GSG1L: variants seen among roughly 807,000 people sequenced by gnomAD.
GSG1L encodes GSG1 like.
A neutral mutation model predicts 42.1 loss-of-function variants in GSG1L; 24 were observed. The ratio of observed to expected loss-of-function variants is 0.57; its 90% CI spans 0.41 to 0.80. The LOEUF (loss-of-function observed/expected upper bound fraction) is 0.80, where lower values mean the gene tolerates loss of function less well. Ranked by LOEUF, GSG1L falls within the 30% of genes least tolerant of loss-of-function variation. The probability of loss-of-function intolerance (pLI) is 0.00; values close to 1 mark genes in which losing one functional copy is unlikely to be tolerated. For synonymous variants in GSG1L, 215 were observed against 203.5 expected, an observed-to-expected ratio of 1.06 and a Z score of -0.48; for missense variants, 445 against 472.2, an observed-to-expected ratio of 0.94 and a Z score of 0.53.
intron 2 of GSG1L, among the ~76,000 whole-genome samples, chr16:27,889,711 G>T (rs1008826818): frequency 2.5e-4 from 38 of 152,258 alleles, no homozygotes; most frequent in African/African-American, 9.1e-4. Context: ...GGTCAGACTG[G>T]CCTGACAGCA....
intron 1 of GSG1L, among the ~76,000 whole-genome samples, chr16:27,986,554 C>T (rs534903568): frequency 2.5e-4 from 37 of 150,710 alleles, no homozygotes; most frequent in African/African-American, 8.3e-4. Flanking sequence ...TACCTAGAGG[C>T]TATGGAAACA....
At chr16:28,045,070 A>G (rs185252173) in intron 1 of GSG1L, among the ~76,000 whole-genome samples, 1 of 152,326 alleles carries the variant, frequency 6.6e-6, no homozygotes, top group Admixed American at 6.5e-5. Flanking sequence ...GAAAGAAAGG[A>G]CAAAAAGGCA....
At chr16:28,011,145 C>T (rs1368144669) in intron 1 of GSG1L, among the ~76,000 whole-genome samples, 4 of 152,190 alleles carry the variant, frequency 2.6e-5, no homozygotes, top group East Asian at 1.9e-4. Context: ...GGAGAGTCTA[C>T]GAGTTTTAGA....
rs150650881 is a variant in GSG1L at position 27,798,307 on chromosome 16, C to T, written c.899-6840G>A. Among the ~76,000 whole-genome samples the T allele has an allele frequency of 3.3e-5, 5 of 152,180 alleles. No individual in the cohort carries two copies. The East Asian group carries it at 9.7e-4, about 29-fold the overall frequency. On this transcript the variant is annotated intron_variant, in intron 6 of 6. Transcript: ENST00000447459. ...CCTCTGCCAGGAGCTGGGGAGGGGG[C>T]TGGGGGCAGTTCCCAGACAGTTGAG... is the stretch of plus-strand genomic sequence containing the variant.
At chr16:27,849,227 A>AGC (rs1173942054) in intron 3 of GSG1L, among the ~76,000 whole-genome samples, 1 of 148,812 alleles carries the variant, frequency 6.7e-6, no homozygotes, top group Non-Finnish European at 1.5e-5. Flanking sequence ...AAAAAAAGAG[A>AGC]AAAGAAAGGG....
chr16:28,055,004 C>T (rs999218154), intron 1 of GSG1L, among the ~76,000 whole-genome samples: 99 of 152,142 alleles, frequency 6.5e-4, no homozygotes, highest in African/African-American at 2.3e-3. Context: ...TCCTTCCTCA[C>T]GTCACTCTCG....
chr16:27,861,413 T>G (rs2083650102), intron 3 of GSG1L, among the ~76,000 whole-genome samples: 1 of 151,972 alleles, frequency 6.6e-6, no homozygotes, highest in Non-Finnish European at 1.5e-5. Flanking sequence ...AAAGGGCCAG[T>G]GGGAGTGTCA....
chr16:28,031,351 G>C (rs987689856), intron 1 of GSG1L, among the ~76,000 whole-genome samples: 2 of 142,160 alleles, frequency 1.4e-5, no homozygotes, highest in Non-Finnish European at 3.0e-5. Flanking sequence ...GGGATTGGAT[G>C]AGATGGGATG....
At chr16:27,856,608 G>A (rs561176611) in intron 3 of GSG1L, among the ~76,000 whole-genome samples, 2 of 152,318 alleles carry the variant, frequency 1.3e-5, no homozygotes, top group African/African-American at 4.8e-5. Context: ...CATCGCTCCC[G>A]GCTCCTCACG....
intron 1 of GSG1L, among the ~76,000 whole-genome samples, chr16:28,056,932 G>T (rs1033286719): frequency 2.6e-5 from 4 of 152,132 alleles, no homozygotes; most frequent in African/African-American, 9.7e-5. Context: ...GTCCAGGAAG[G>T]CCTCACAAAC....
At chr16:27,875,002 C>A (rs888858543) in intron 3 of GSG1L, among the ~76,000 whole-genome samples, 2 of 152,164 alleles carry the variant, frequency 1.3e-5, no homozygotes, top group African/African-American at 4.8e-5. Flanking sequence ...TCAGCACAGA[C>A]CAGCTGGTGT....
intron 2 of GSG1L, among the ~76,000 whole-genome samples, chr16:27,961,064 C>T (rs1185858787): frequency 6.6e-6 from 1 of 152,206 alleles, no homozygotes; most frequent in Non-Finnish European, 1.5e-5. Flanking sequence ...TTCACACACG[C>T]ACTCACATGG....
rs71140916 is a variant in GSG1L, at chr16:27,874,441, C to CT, written c.550+10044dup. Among the ~76,000 whole-genome samples the CT allele has an allele frequency of 8.5e-3, 799 of 94,286 alleles. 97 individuals carry two copies. The highest frequency in any genetic ancestry group is 0.026 in the African/African-American group (710 of 26,826). The allele number at this position is 94,286 out of a possible 152,430, so 61.9% of individuals were successfully genotyped here. ...TCTGGACACTGAAGCACAGGAGAGC[C>CT]TTTTTTTTTTTTTTTTTTTTTTTTT... On this transcript the variant is annotated intron_variant, in intron 3 of 6. Coordinates refer to ENST00000447459, the MANE Select transcript of GSG1L (RefSeq NM_001109763.2).
At chr16:28,007,508 TTGGTTGG>T (rs71140939) in intron 1 of GSG1L, among the ~76,000 whole-genome samples, 16,060 of 105,244 alleles carry the variant, frequency 0.15, 966 homozygotes, top group African/African-American at 0.19. Flanking sequence ...GGTTGGTTGG[TTGGTTGG>T]TGGTTGGTTG....
chr16:28,053,067 C>T (rs2086237109), intron 1 of GSG1L, among the ~76,000 whole-genome samples: 1 of 152,152 alleles, frequency 6.6e-6, no homozygotes, highest in South Asian at 2.1e-4. Context: ...AGGAGTGGGG[C>T]TTTCAGCCTC....
At chr16:27,801,022 C>G (rs2082875568) in intron 6 of GSG1L, among the ~76,000 whole-genome samples, 1 of 152,014 alleles carries the variant, frequency 6.6e-6, no homozygotes, top group Non-Finnish European at 1.5e-5. Flanking sequence ...GAGGAAGCGG[C>G]CTTTCAGCTG....
At chr16:27,839,570 T>TAG (rs2083356166) in intron 4 of GSG1L, among the ~76,000 whole-genome samples, 1 of 152,172 alleles carries the variant, frequency 6.6e-6, no homozygotes, top group East Asian at 1.9e-4. Context: ...AGGCAGATGA[T>TAG]GACTAAGTGT....
At chr16:27,833,172 C>T (rs2140970628) in intron 4 of GSG1L, among the ~76,000 whole-genome samples, 1 of 152,200 alleles carries the variant, frequency 6.6e-6, no homozygotes, top group South Asian at 2.1e-4. Context: ...TTTATTTTTG[C>T]CAGTGAATGT....
At chr16:27,958,921 C>G (rs538943432) in intron 2 of GSG1L, among the ~76,000 whole-genome samples, 1 of 152,244 alleles carries the variant, frequency 6.6e-6, no homozygotes, top group East Asian at 1.9e-4. Flanking sequence ...GTGATCTGCC[C>G]GCCTTGTACT....
Sources: allele counts gnomAD v4.1 joint callset (sites outside exome capture counted in the v4.1 genomes callset), GRCh38; gene constraint gnomAD v4.1.1; transcripts MANE v1.5; gene names NCBI Gene and HGNC (gene_info 2026-07-23, HGNC 2026-07-21).